Variants in MT1B observed in about 807,000 individuals in gnomAD.
MT1B encodes the protein metallothionein 1B, also known as metallothionein-1B.
A neutral mutation model predicts 7.9 loss-of-function variants in MT1B; 4 were observed. That is an observed-to-expected ratio of 0.51 (90% CI 0.25 to 1.16). The LOEUF (loss-of-function observed/expected upper bound fraction) is 1.16. Ranked by LOEUF, MT1B falls within the 50% of genes most tolerant of loss-of-function variation. The probability of loss-of-function intolerance (pLI) is 0.15; values close to 1 mark genes in which losing one functional copy is unlikely to be tolerated. For synonymous variants in MT1B, 22 were observed against 27.6 expected (o/e 0.80, Z 0.63); for missense variants, 76 against 75.2 (o/e 1.01, Z -0.04).
intron 2 of MT1B, 53 bp downstream of exon 2, chr16:56,652,689 G>C (rs73551698): frequency 3.7e-6 from 6 of 1,604,988 alleles, no homozygotes; most frequent in African/African-American, 1.3e-5. Flanking sequence ...GCTTGGAAGG[G>C]AACACAAGGC....
At chr16:56,652,380 T>TG (rs1310065916) in intron 1 of MT1B, among the ~76,000 whole-genome samples, 191 bp from the exon 2 acceptor site, 42 of 152,284 alleles carry the variant, frequency 2.8e-4, no homozygotes, top group African/African-American at 9.4e-4. Flanking sequence ...TGATGGGGTA[T>TG]ATAAAGAAGG....
rs745555477 is a variant in MT1B at position 56,653,064 on chromosome 16, G to T, written c.185G>T (p.Ter62LeuextTer11). 59 of 1,613,846 alleles carry T rather than the reference G, an allele frequency of 3.7e-5. No homozygotes were observed. The highest frequency in any genetic ancestry group is 5.0e-5 in the Non-Finnish European group (59 of 1,179,950). Residue 62 changes from the stop codon to leucine, a stop_lost, in exon 3 of 3, where the codon TGA becomes TTA. Transcript: ENST00000334346. ...GSSEKCRCCA* is the reference protein window; with the variant it reads ...GSSEKCRCCAL ...TCAGAGAAGTGCCGCTGCTGTGCCT[G>T]ATGTTGGGAGAGCCCTGCTCCCAGA...
chr16:56,652,500 A>T, intron 1 of MT1B, 71 bp from the exon 2 acceptor site: 1 of 1,424,606 alleles, frequency 7.0e-7, no homozygotes, highest in South Asian at 1.1e-5. Context: ...GGCGCACTGG[A>T]CACTCATGGA....
intron 2 of MT1B, 25 bp from the exon 3 acceptor site, chr16:56,652,949 C>T (rs761986618): frequency 1.9e-6 from 3 of 1,610,940 alleles, no homozygotes; most frequent in Non-Finnish European, 2.5e-6. Flanking sequence ...CAGCTGTGAC[C>T]TCTCACTCTC....
Position 56,653,045 on chromosome 16 carries a change from A to C in MT1B, c.166A>C (p.Lys56Gln). 6.2e-7 allele frequency: 1 copy of C among 1,613,746 alleles called. No individual in the cohort carries two copies. Among genetic ancestry groups the C allele is most frequent in the Non-Finnish European group, 8.5e-7 (1 of 1,179,950 alleles). ...QGCVCKGSSE[K>Q]CRCCA ...CTGTGTCTGCAAAGGCTCATCAGAGAAGTGCCGCTGCTGTGCCTGATGTTG... is the reference window on the plus strand; with the variant it reads ...CTGTGTCTGCAAAGGCTCATCAGAGCAGTGCCGCTGCTGTGCCTGATGTTG... The change falls in exon 3 of 3, where the codon AAG becomes CAG. Residue 56 changes from lysine to glutamine, a missense_variant. Coordinates refer to ENST00000334346, the MANE Select transcript of MT1B (RefSeq NM_005947.3).
At position 56,653,119 on chromosome 16, in the gene MT1B, A is replaced by ATT. The variant is rs35231457; in HGVS notation, c.*64_*65dup. 66 of 1,400,910 alleles carry ATT rather than the reference A, an allele frequency of 4.7e-5. No homozygotes were observed. Among genetic ancestry groups the ATT allele is most frequent in the African/African-American group, 5.8e-5 (4 of 68,714 alleles). The allele number at this position is 1,400,910 out of a possible 1,614,324, so 86.8% of individuals were successfully genotyped here. Reference sequence around the variant, plus strand: ...AATAGAGCAACCAGTACTAACCTGGATTTTTTTTTTTAACTACCCTGACCG... The same window carrying ATT: ...AATAGAGCAACCAGTACTAACCTGGATTTTTTTTTTTTTAACTACCCTGACCG... On this transcript the variant is annotated 3_prime_UTR_variant, in exon 3 of 3. Coordinates refer to ENST00000334346, the MANE Select transcript of MT1B (RefSeq NM_005947.3).
At chr16:56,652,063 T>A (rs1254875238) in intron 1 of MT1B, 82 bp downstream of exon 1, 1 of 1,557,580 alleles carries the variant, frequency 6.4e-7, no homozygotes, top group Non-Finnish European at 8.9e-7. Flanking sequence ...GAAGGTTGCA[T>A]TATGAGATGT....
intron 1 of MT1B, 75 bp downstream of exon 1, chr16:56,652,056 G>A (rs1960560839): frequency 1.3e-6 from 2 of 1,579,068 alleles, no homozygotes; most frequent in South Asian, 1.1e-5. Context: ...GGTTAGAGAA[G>A]GTTGCATTAT....
At position 56,652,668 on chromosome 16, in the gene MT1B, G is replaced by T. The variant is rs372764156; in HGVS notation, c.94+32G>T. The T allele has an allele frequency of 1.2e-5, 20 of 1,612,812 alleles. No homozygotes were observed. The African/African-American group carries it at 2.7e-4, about 22-fold the overall frequency. ...GTGGGATCATCTCCAGGAATCTGGG[G>T]CTGTGGCTAAGCTTGGAAGGGAACA... On this transcript the variant is annotated intron_variant, in intron 2 of 2. Transcript: ENST00000334346.
chr16:56,652,477 C>T lies in MT1B; in HGVS notation c.29-94C>T, dbSNP rs1379516174. Reference sequence around the variant, plus strand: ...GGGAAAGGAGCTCTGATGGCTGGCCCTGCACAGAGGATGGCGCACTGGACA... The same window carrying T: ...GGGAAAGGAGCTCTGATGGCTGGCCTTGCACAGAGGATGGCGCACTGGACA... On this transcript the variant is annotated intron_variant, in intron 1 of 2. Transcript: ENST00000334346. 3.3e-6 allele frequency: 4 copies of T among 1,225,612 alleles called. No individual in the cohort carries two copies. The Admixed American group carries it at 6.8e-5, about 21-fold the overall frequency. The allele number at this position is 1,225,612 out of a possible 1,614,324, so 75.9% of individuals were successfully genotyped here.
At chr16:56,652,118 C>G (rs964372) in intron 1 of MT1B, 137 bp downstream of exon 1, 911,887 of 1,056,732 alleles carry the variant, frequency 0.86, 397,287 homozygotes, top group Non-Finnish European at 0.9. Context: ...TTTCCTCTTG[C>G]CCAAGCTCCT....
intron 1 of MT1B, 62 bp from the exon 2 acceptor site, chr16:56,652,509 G>T: frequency 6.7e-7 from 1 of 1,495,352 alleles, no homozygotes; most frequent in East Asian, 2.3e-5. Context: ...GACACTCATG[G>T]ACTCACTGCT....
At chr16:56,652,050 A>G (rs2144332417) in intron 1 of MT1B, 69 bp downstream of exon 1, 1 of 1,590,488 alleles carries the variant, frequency 6.3e-7, no homozygotes, top group Non-Finnish European at 8.6e-7. Flanking sequence ...TCCCTGGGTT[A>G]GAGAAGGTTG....
In MT1B at chr16:56,653,195, TTTGAC is replaced by T; in HGVS notation, c.*135_*139del. Reference sequence around the variant, plus strand: ...AATATGTGAAAGACAATAAAACACTTTTGACTTGATTCTGACTCTCCTTTTCCTTT... The same window carrying T: ...AATATGTGAAAGACAATAAAACACTTTTGATTCTGACTCTCCTTTTCCTTT... On this transcript the variant is annotated 3_prime_UTR_variant, in exon 3 of 3. Coordinates refer to ENST00000334346, the MANE Select transcript of MT1B (RefSeq NM_005947.3). The T allele has an allele frequency of 2.5e-6, 2 of 801,424 alleles. No homozygotes were observed. Among genetic ancestry groups the T allele is most frequent in the Non-Finnish European group, 3.9e-6 (2 of 513,900 alleles). The allele number at this position is 801,424 out of a possible 1,614,324, so 49.6% of individuals were successfully genotyped here.
rs780245345 is a variant in MT1B at position 56,652,972 on chromosome 16, A to C, written c.95-2A>C. The C allele has an allele frequency of 1.2e-6, 2 of 1,612,976 alleles. No individual in the cohort carries two copies. Among genetic ancestry groups the C allele is most frequent in the South Asian group, 2.2e-5 (2 of 91,016 alleles). On this transcript the variant is annotated splice_acceptor_variant, in intron 2 of 2. Transcript: ENST00000334346. LOFTEE classifies it high-confidence loss of function. ...ACCTCTCACTCTCCCCTTCTTCCCC[A>C]GGCTGCTGCTCTTGCTGCCCCGTGG...
In MT1B at chr16:56,652,993, C is replaced by T. The variant is rs140857122; in HGVS notation, c.114C>T (p.Pro38=). ...CCCCAGGCTGCTGCTCTTGCTGCCC[C>T]GTGGGCTGTGCCAAGTGTGCCCAGG... The part of the protein sequence containing the change: ...SCKKCCCSCC[P]VGCAKCAQGC... Residue 38 remains proline (P), a synonymous_variant, in exon 3 of 3, where the codon CCC becomes CCT. Coordinates refer to ENST00000334346, the MANE Select transcript of MT1B (RefSeq NM_005947.3). 9.7e-5 allele frequency: 156 copies of T among 1,613,300 alleles called. 1 individual carries two copies. Among genetic ancestry groups the T allele is most frequent in the Non-Finnish European group, 1.2e-4 (143 of 1,180,006 alleles).
chr16:56,652,587 C>T lies in MT1B; in HGVS notation c.45C>T (p.Cys15=), dbSNP rs770498177. ...TCCTTGCAGGTGGCTCCTGTGCCTGCGCCGGCTCCTGCAAGTGCAAAGAGT... is the reference window on the plus strand; with the variant it reads ...TCCTTGCAGGTGGCTCCTGTGCCTGTGCCGGCTCCTGCAAGTGCAAAGAGT... ...CSCTTGGSCA[C]AGSCKCKECK... The change falls in exon 2 of 3, where the codon TGC becomes TGT. Residue 15 remains cysteine (C), a synonymous_variant. Coordinates refer to ENST00000334346, the MANE Select transcript of MT1B (RefSeq NM_005947.3). 2.2e-5 allele frequency: 36 copies of T among 1,613,836 alleles called. No individual in the cohort carries two copies. Among genetic ancestry groups the T allele is most frequent in the South Asian group, 6.6e-5 (6 of 91,088 alleles).
Position 56,653,119 on chromosome 16 carries a change from ATTT to A in MT1B, c.*63_*65del. ...AATAGAGCAACCAGTACTAACCTGGATTTTTTTTTTTAACTACCCTGACCGGTT... is the reference window on the plus strand; with the variant it reads ...AATAGAGCAACCAGTACTAACCTGGATTTTTTTTAACTACCCTGACCGGTT... On this transcript the variant is annotated 3_prime_UTR_variant, in exon 3 of 3. Transcript: ENST00000334346. 7.1e-7 allele frequency: 1 copy of A among 1,401,016 alleles called. No homozygotes were observed. 86.8% of individuals were successfully genotyped at this position (1,401,016 alleles called of 1,614,324 possible). A position where few individuals can be genotyped will look rare whatever the true frequency, so the allele number is the denominator to read the frequency against.
At position 56,652,558 on chromosome 16, in the gene MT1B, C is replaced by A. The variant is rs12051311; in HGVS notation, c.29-13C>A. 7 of 1,613,218 alleles carry A rather than the reference C, an allele frequency of 4.3e-6. No homozygotes were observed. The highest frequency in any genetic ancestry group is 1.6e-4 in the Middle Eastern group (1 of 6,082). ...CTTACTCACTGCCCACTGCCTTTTTCGCTTCCTTGCAGGTGGCTCCTGTGC... is the reference window on the plus strand; with the variant it reads ...CTTACTCACTGCCCACTGCCTTTTTAGCTTCCTTGCAGGTGGCTCCTGTGC... On this transcript the variant is annotated splice_polypyrimidine_tract_variant and intron_variant, in intron 1 of 2. Coordinates refer to ENST00000334346, the MANE Select transcript of MT1B (RefSeq NM_005947.3).
Sources: gnomAD v4.1 joint callset for allele counts (sites outside exome capture counted in the v4.1 genomes callset) on GRCh38, gnomAD v4.1.1 for gene constraint, MANE v1.5 for transcripts, NCBI Gene and HGNC (gene_info 2026-07-23, HGNC 2026-07-21) for gene names.